RAPGEF2: variants seen among roughly 807,000 people sequenced by gnomAD.
The protein encoded by RAPGEF2 is PDZ domain containing guanine nucleotide exchange factor (GEF) 1.
In RAPGEF2, 54 loss-of-function variants were observed where a neutral mutation model predicts 186.7. The observed-to-expected ratio is 0.29, with a 90% CI of 0.23 to 0.36. The LOEUF (loss-of-function observed/expected upper bound fraction) is 0.36, where lower values mean the gene tolerates loss of function less well. Among genes scored for constraint, RAPGEF2 ranks in the 10% least tolerant of loss-of-function variants. The pLI is 1.00. For missense variants in RAPGEF2, 1,532 were observed against 2,045.0 expected (o/e 0.75, Z 4.84); for synonymous variants, 712 against 705.9 (o/e 1.01, Z -0.14).
chr4:159,318,916 T>G (rs1296602541), intron 9 of RAPGEF2, among the ~76,000 whole-genome samples: 1 of 152,214 alleles, frequency 6.6e-6, no homozygotes, highest in Non-Finnish European at 1.5e-5. Flanking sequence ...GCTTAATATT[T>G]TTCCATAAAC....
intron 1 of RAPGEF2, among the ~76,000 whole-genome samples, chr4:159,143,395 A>G (rs926664135): frequency 2.0e-5 from 3 of 152,228 alleles, no homozygotes; most frequent in Non-Finnish European, 2.9e-5. Context: ...AAACTCACAC[A>G]ATAGATGGAA....
intron 7 of RAPGEF2, among the ~76,000 whole-genome samples, chr4:159,288,460 T>G (rs184078969): frequency 3.3e-5 from 5 of 152,286 alleles, no homozygotes; most frequent in African/African-American, 7.2e-5. Flanking sequence ...TTTTTAAGTT[T>G]GTTGTCCAGA....
intron 3 of RAPGEF2, among the ~76,000 whole-genome samples, chr4:159,205,317 T>C (rs1007233564): frequency 2.6e-5 from 4 of 152,184 alleles, no homozygotes; most frequent in African/African-American, 9.7e-5. Context: ...CATCAGGGCC[T>C]GAGAACTACT....
At chr4:159,273,653 T>C (rs994406304) in intron 7 of RAPGEF2, among the ~76,000 whole-genome samples, 2 of 143,222 alleles carry the variant, frequency 1.4e-5, no homozygotes, top group Admixed American at 7.0e-5. Context: ...TTTCTTTCTT[T>C]CTTTCTTTCT....
chr4:159,127,169 G>C (rs1350607023), intron 1 of RAPGEF2, among the ~76,000 whole-genome samples: 2 of 152,098 alleles, frequency 1.3e-5, no homozygotes, highest in South Asian at 4.1e-4. Flanking sequence ...TGGGATTACA[G>C]GCACACGCCA....
At chr4:159,110,781 A>G (rs1738405202) in intron 1 of RAPGEF2, among the ~76,000 whole-genome samples, 1 of 152,224 alleles carries the variant, frequency 6.6e-6, no homozygotes, top group Non-Finnish European at 1.5e-5. Flanking sequence ...TGAGTCTTTG[A>G]GAACAGTTTT....
intron 7 of RAPGEF2, among the ~76,000 whole-genome samples, chr4:159,289,936 T>C (rs940806574): frequency 4.0e-5 from 6 of 151,686 alleles, no homozygotes; most frequent in Non-Finnish European, 8.8e-5. Context: ...GGAAGAGAAG[T>C]GAGTGTGAGA....
chr4:159,110,920 A>G (rs368262076), intron 1 of RAPGEF2, among the ~76,000 whole-genome samples: 1 of 151,424 alleles, frequency 6.6e-6, no homozygotes, highest in African/African-American at 2.4e-5. Flanking sequence ...ATGTATTTAT[A>G]TAGTTAAAAC....
chr4:159,251,253 A>G (rs1288827342), intron 7 of RAPGEF2, among the ~76,000 whole-genome samples: 1 of 152,154 alleles, frequency 6.6e-6, no homozygotes, highest in Non-Finnish European at 1.5e-5. Context: ...AGCCTTCCCG[A>G]CGGGCGCCGT....
intron 25 of RAPGEF2, among the ~76,000 whole-genome samples, chr4:159,348,457 G>A (rs2111307994): frequency 6.6e-6 from 1 of 152,268 alleles, no homozygotes; most frequent in East Asian, 1.9e-4. Flanking sequence ...TGATCAGCAA[G>A]TGTCCTCTTT....
intron 4 of RAPGEF2, among the ~76,000 whole-genome samples, chr4:159,216,947 A>G (rs964969716): frequency 4.6e-5 from 7 of 152,152 alleles, no homozygotes; most frequent in Non-Finnish European, 8.8e-5. Context: ...CTGAAATACT[A>G]TTCTCATTAT....
At chr4:159,118,671 C>A (rs187921736) in intron 1 of RAPGEF2, among the ~76,000 whole-genome samples, 1 of 152,142 alleles carries the variant, frequency 6.6e-6, no homozygotes, top group South Asian at 2.1e-4. Flanking sequence ...CCGCAACCTC[C>A]GCCTCCCGGG....
At chr4:159,281,958 G>A (rs1201525495) in intron 7 of RAPGEF2, among the ~76,000 whole-genome samples, 1 of 152,182 alleles carries the variant, frequency 6.6e-6, no homozygotes, top group East Asian at 1.9e-4. Flanking sequence ...TCATTCCTAT[G>A]TGGGTTGGAA....
At chr4:159,110,417 A>G (rs6837192) in intron 1 of RAPGEF2, among the ~76,000 whole-genome samples, 95,653 of 151,868 alleles carry the variant, frequency 0.63, 30,993 homozygotes, top group African/African-American at 0.79. Flanking sequence ...GTGAAACCCT[A>G]TCTCTACTAA....
chr4:159,200,254 G>A lies in RAPGEF2; in HGVS notation c.197+6998G>A, dbSNP rs372348940. On this transcript the variant is annotated intron_variant, in intron 3 of 29. Transcript: ENST00000691494. ...AGGCTGAGGTGGGTGGATCGCTTGA[G>A]CCCAGGAGTTCGAGACCAGCCTGGA... 1.6e-4 allele frequency among the ~76,000 whole-genome samples: 24 copies of A among 152,196 alleles called. No individual in the cohort carries two copies. In the Middle Eastern group the frequency reaches 0.014, roughly 86 times the overall value.
intron 1 of RAPGEF2, among the ~76,000 whole-genome samples, chr4:159,132,759 T>C (rs1741246342): frequency 6.6e-6 from 1 of 152,152 alleles, no homozygotes; most frequent in Non-Finnish European, 1.5e-5. Flanking sequence ...TTTCTTTTGG[T>C]AGTTGAAAGT....
At chr4:159,232,504 G>A (rs1752759113) in intron 4 of RAPGEF2, among the ~76,000 whole-genome samples, 1 of 152,148 alleles carries the variant, frequency 6.6e-6, no homozygotes, top group Admixed American at 6.5e-5. Flanking sequence ...GTGTGTGTAT[G>A]CCACAGCTTG....
chr4:159,322,733 G>T (rs533357426), intron 10 of RAPGEF2, among the ~76,000 whole-genome samples: 13 of 152,168 alleles, frequency 8.5e-5, no homozygotes, highest in Non-Finnish European at 1.9e-4. Context: ...GGCTGGGGAG[G>T]CCTCAGAATC....
intron 9 of RAPGEF2, among the ~76,000 whole-genome samples, chr4:159,318,227 C>T (rs1764833671): frequency 1.3e-5 from 2 of 152,060 alleles, no homozygotes; most frequent in African/African-American, 4.8e-5. Flanking sequence ...GTTGTTTGTT[C>T]TATGTAAGAC....
Sources: gnomAD v4.1 joint callset for allele counts (sites outside exome capture counted in the v4.1 genomes callset) on GRCh38, gnomAD v4.1.1 for gene constraint, MANE v1.5 for transcripts, NCBI Gene and HGNC (gene_info 2026-07-23, HGNC 2026-07-21) for gene names.